The following DLG2 variants were observed in gnomAD, a reference collection of about 807,000 sequenced individuals.
The protein encoded by DLG2 is discs large MAGUK scaffold protein 2, also known as disks large homolog 2.
DLG2 carries 45 observed loss-of-function variants against 132.5 expected under a neutral mutation model. The observed-to-expected ratio is 0.34, with a 90% CI of 0.27 to 0.44. DLG2 has a LOEUF of 0.44. DLG2 is among the 20% of genes least tolerant of loss of function. DLG2 has a pLI of 1.00. For synonymous variants in DLG2, 424 were observed against 419.6 expected (o/e 1.01, Z -0.13); for missense variants, 1,045 against 1,196.9 (o/e 0.87, Z 1.87).
At chr11:83,823,268 G>A (rs1444082432) in intron 17 of DLG2, among the ~76,000 whole-genome samples, 3 of 152,030 alleles carry the variant, frequency 2.0e-5, no homozygotes, top group African/African-American at 7.3e-5. Context: ...CTTTATCTGT[G>A]ATCAGCTGTT....
chr11:84,009,270 T>C (rs895439131), intron 11 of DLG2, among the ~76,000 whole-genome samples: 2 of 151,960 alleles, frequency 1.3e-5, no homozygotes, highest in African/African-American at 4.8e-5. Context: ...CCATGATATT[T>C]TGGCATTCAA....
chr11:84,622,860 G>A (rs1267896570), intron 6 of DLG2, among the ~76,000 whole-genome samples: 1 of 152,096 alleles, frequency 6.6e-6, no homozygotes, highest in Admixed American at 6.5e-5. Context: ...GGAGATGGAG[G>A]ATATCGACCA....
At chr11:84,198,592 T>C (rs750122673) in intron 8 of DLG2, among the ~76,000 whole-genome samples, 1 of 152,140 alleles carries the variant, frequency 6.6e-6, no homozygotes, top group African/African-American at 2.4e-5. Flanking sequence ...GTAAGTAAAT[T>C]GCATGTATTC....
intron 6 of DLG2, among the ~76,000 whole-genome samples, chr11:84,743,637 G>C (rs2064977303): frequency 6.6e-6 from 1 of 152,132 alleles, no homozygotes; most frequent in Non-Finnish European, 1.5e-5. Context: ...ATATACATTG[G>C]GGTCTTGGGA....
chr11:84,735,652 T>A (rs2063735276), intron 6 of DLG2, among the ~76,000 whole-genome samples: 1 of 152,148 alleles, frequency 6.6e-6, no homozygotes. Flanking sequence ...TCTGCTCTGA[T>A]CTTAGTTATT....
At chr11:84,143,951 G>T (rs1338053851) in intron 9 of DLG2, among the ~76,000 whole-genome samples, 1 of 152,154 alleles carries the variant, frequency 6.6e-6, no homozygotes, top group Non-Finnish European at 1.5e-5. Context: ...ACAAAGTCTT[G>T]ATGAAGAAGA....
At chr11:83,518,292 G>A (rs1212637350) in intron 21 of DLG2, among the ~76,000 whole-genome samples, 1 of 152,194 alleles carries the variant, frequency 6.6e-6, no homozygotes, top group African/African-American at 2.4e-5. Flanking sequence ...CAAAGAGTGA[G>A]GCTCCATGGG....
chr11:85,287,023 A>G (rs947874010), intron 3 of DLG2, among the ~76,000 whole-genome samples: 1 of 152,116 alleles, frequency 6.6e-6, no homozygotes, highest in Non-Finnish European at 1.5e-5. Flanking sequence ...GTATTGGATT[A>G]TAACACAAAA....
At chr11:84,780,788 C>T (rs1397021374) in intron 6 of DLG2, among the ~76,000 whole-genome samples, 1 of 151,942 alleles carries the variant, frequency 6.6e-6, no homozygotes, top group East Asian at 1.9e-4. Context: ...ATACTATTAT[C>T]GCAAAATTTG....
At chr11:83,917,538 T>C (rs1383207784) in intron 15 of DLG2, among the ~76,000 whole-genome samples, 1 of 152,194 alleles carries the variant, frequency 6.6e-6, no homozygotes, top group Non-Finnish European at 1.5e-5. Flanking sequence ...TTCTGTGTCC[T>C]AACTCTGAAA....
rs530998289 is a variant in DLG2, at chr11:83,888,931, C to T, written c.1497-14443G>A. 1.1e-4 allele frequency among the ~76,000 whole-genome samples: 16 copies of T among 152,300 alleles called. No homozygotes were observed. In the East Asian group the frequency reaches 2.7e-3, roughly 26 times the overall value. ...TAGAAAGCTGAAACTGGATCTCTTCCTTACACCTTACACAAAAGTTAATTC... is the reference window on the plus strand; with the variant it reads ...TAGAAAGCTGAAACTGGATCTCTTCTTTACACCTTACACAAAAGTTAATTC... On this transcript the variant is annotated intron_variant, in intron 15 of 27. Transcript: ENST00000376104.
chr11:84,315,499 TAA>T (rs1317915881), intron 7 of DLG2, among the ~76,000 whole-genome samples: 1 of 152,184 alleles, frequency 6.6e-6, no homozygotes, highest in Non-Finnish European at 1.5e-5. Flanking sequence ...AGATATAAGC[TAA>T]AGACATTTAA....
At chr11:83,746,557 T>A (rs1352070339) in intron 18 of DLG2, among the ~76,000 whole-genome samples, 1 of 151,326 alleles carries the variant, frequency 6.6e-6, no homozygotes, top group Non-Finnish European at 1.5e-5. Flanking sequence ...AAGGGGAACA[T>A]CACACATCAG....
chr11:84,329,198 CTCTT>C (rs375869891), intron 7 of DLG2, among the ~76,000 whole-genome samples: 1 of 152,152 alleles, frequency 6.6e-6, no homozygotes, highest in African/African-American at 2.4e-5. Flanking sequence ...TGTAAACTCA[CTCTT>C]TCTTTCCCAT....
chr11:83,864,672 C>G (rs1434757503), intron 16 of DLG2, among the ~76,000 whole-genome samples: 3 of 152,016 alleles, frequency 2.0e-5, no homozygotes. Context: ...TGGCTGTTTC[C>G]CTGGCAATAA....
intron 6 of DLG2, among the ~76,000 whole-genome samples, chr11:84,995,960 C>T (rs1450079722): frequency 1.3e-5 from 2 of 152,122 alleles, no homozygotes; most frequent in African/African-American, 4.8e-5. Flanking sequence ...TTTACTCTAA[C>T]ATTTAATCTC....
At chr11:85,461,285 T>A (rs2092603543) in intron 3 of DLG2, among the ~76,000 whole-genome samples, 1 of 152,368 alleles carries the variant, frequency 6.6e-6, no homozygotes, top group Admixed American at 6.5e-5. Flanking sequence ...TCCATTTGAA[T>A]GTGTCAGGAT....
chr11:83,807,750 G>A (rs998149844), intron 17 of DLG2, among the ~76,000 whole-genome samples: 2 of 152,172 alleles, frequency 1.3e-5, no homozygotes, highest in East Asian at 3.9e-4. Flanking sequence ...AGGGTATTGT[G>A]TTAGGCTTGT....
intron 14 of DLG2, among the ~76,000 whole-genome samples, chr11:83,942,945 G>A (rs2082995575): frequency 6.6e-6 from 1 of 152,146 alleles, no homozygotes; most frequent in Non-Finnish European, 1.5e-5. Flanking sequence ...CCTGTGGGAG[G>A]TAACTGAATC....
Sources: gnomAD v4.1 joint callset for allele counts (sites outside exome capture counted in the v4.1 genomes callset) on GRCh38, gnomAD v4.1.1 for gene constraint, MANE v1.5 for transcripts, NCBI Gene and HGNC (gene_info 2026-07-23, HGNC 2026-07-21) for gene names.